Variants in SCN8A observed in about 807,000 individuals in gnomAD.
The protein encoded by SCN8A is sodium voltage-gated channel alpha subunit 8.
SCN8A carries 30 observed loss-of-function variants against 184.1 expected under a neutral mutation model. That is an observed-to-expected ratio of 0.16 (90% CI 0.12 to 0.22). The LOEUF is 0.22. Ranked by LOEUF, SCN8A falls within the 10% of genes least tolerant of loss-of-function variation. SCN8A has a pLI of 1.00. For missense variants in SCN8A, 1,057 were observed against 2,498.9 expected (o/e 0.42, Z 12.30); for synonymous variants, 852 against 907.0 (o/e 0.94, Z 1.09).
chr12:51,688,891 C>T (rs971456532), intron 5 of SCN8A, 114 bp from the exon 6 acceptor site: 5 of 1,564,364 alleles, frequency 3.2e-6, no homozygotes, highest in Non-Finnish European at 4.4e-6. Context: ...GGGATAGGGC[C>T]CTGACGTGAC....
chr12:51,638,094 T>C (rs1038792213), intron 1 of SCN8A, among the ~76,000 whole-genome samples: 4 of 152,076 alleles, frequency 2.6e-5, no homozygotes, highest in African/African-American at 9.7e-5. Context: ...AACAGGATGG[T>C]TTACTAGATA....
chr12:51,633,315 T>C (rs1668299196), intron 1 of SCN8A, among the ~76,000 whole-genome samples: 1 of 152,212 alleles, frequency 6.6e-6, no homozygotes. Flanking sequence ...AGAAATAATC[T>C]CTTATCTAGA....
At chr12:51,644,475 T>TA (rs949819083) in intron 1 of SCN8A, among the ~76,000 whole-genome samples, 4 of 152,344 alleles carry the variant, frequency 2.6e-5, no homozygotes, top group African/African-American at 9.6e-5. Context: ...TGGTCCATAT[T>TA]AAAAACAATT....
At chr12:51,673,579 A>G (rs1175028730) in intron 2 of SCN8A, among the ~76,000 whole-genome samples, 1 of 152,200 alleles carries the variant, frequency 6.6e-6, no homozygotes, top group Non-Finnish European at 1.5e-5. Context: ...AGAAAGTTGG[A>G]TATAGTTAAA....
chr12:51,652,081 A>G (rs367928370), intron 1 of SCN8A, among the ~76,000 whole-genome samples: 18 of 152,084 alleles, frequency 1.2e-4, no homozygotes, highest in East Asian at 7.7e-4. Flanking sequence ...TGCCTATATG[A>G]TGCCTCCATT....
At chr12:51,659,392 CACAT>C (rs1940884521) in intron 1 of SCN8A, among the ~76,000 whole-genome samples, 2 of 152,132 alleles carry the variant, frequency 1.3e-5, no homozygotes, top group South Asian at 2.1e-4. Flanking sequence ...GTTACACAGG[CACAT>C]ACATATGTAC....
At position 51,662,946 on chromosome 12, in the gene SCN8A, T is replaced by C; in HGVS notation, c.129T>C (p.Ser43=). ...KLKKPPKADG[S]HREDDEDSKP... ...AGAAACCACCAAAGGCCGATGGCAG[T>C]CATCGGGAGGACGATGAGGACAGCA... Residue 43 remains serine (S), a synonymous_variant, in exon 2 of 27, where the codon AGT becomes AGC. Coordinates refer to ENST00000627620, the MANE Select transcript of SCN8A (RefSeq NM_001330260.2). 1 of 1,614,010 alleles carries C rather than the reference T, an allele frequency of 6.2e-7. No individual in the cohort carries two copies. Among genetic ancestry groups the C allele is most frequent in the Non-Finnish European group, 8.5e-7 (1 of 1,179,890 alleles).
intron 14 of SCN8A, among the ~76,000 whole-genome samples, chr12:51,755,297 A>G (rs964149374): frequency 1.3e-5 from 2 of 152,154 alleles, no homozygotes; most frequent in Non-Finnish European, 2.9e-5. Flanking sequence ...ATGGTTTTCT[A>G]TTTTATCTGA....
At chr12:51,691,321 C>T (rs1941503712) in intron 6 of SCN8A, among the ~76,000 whole-genome samples, 1 of 152,204 alleles carries the variant, frequency 6.6e-6, no homozygotes, top group African/African-American at 2.4e-5. Context: ...GCTTCTGTCT[C>T]TGTCTCTGCT....
chr12:51,736,337 A>G (rs953963097), intron 12 of SCN8A, among the ~76,000 whole-genome samples: 3 of 152,248 alleles, frequency 2.0e-5, no homozygotes, highest in Non-Finnish European at 4.4e-5. Context: ...AAGTGAGAAA[A>G]GGTGTCCACA....
At chr12:51,627,658 G>C (rs1288925729) in intron 1 of SCN8A, among the ~76,000 whole-genome samples, 1 of 152,188 alleles carries the variant, frequency 6.6e-6, no homozygotes, top group Non-Finnish European at 1.5e-5. Context: ...TGGGATTACA[G>C]GCATGAGCCA....
At chr12:51,708,020 C>A (rs1941813249) in intron 11 of SCN8A, among the ~76,000 whole-genome samples, 1 of 152,166 alleles carries the variant, frequency 6.6e-6, no homozygotes, top group Non-Finnish European at 1.5e-5. Context: ...GATGTAAAAG[C>A]CAACCCTAGA....
chr12:51,591,955 A>G (rs1304904066), intron 1 of SCN8A, among the ~76,000 whole-genome samples: 2 of 138,056 alleles, frequency 1.4e-5, no homozygotes, highest in Non-Finnish European at 3.0e-5. Flanking sequence ...GGTGCTCTGG[A>G]GTTGTGATGG....
At chr12:51,688,841 T>A in intron 5 of SCN8A, 164 bp from the exon 6 acceptor site, 1 of 1,613,216 alleles carries the variant, frequency 6.2e-7, no homozygotes, top group Non-Finnish European at 8.5e-7. Flanking sequence ...ACTATTTCGG[T>A]AATCCCAGGT....
chr12:51,659,022 A>G (rs1035692684), intron 1 of SCN8A, among the ~76,000 whole-genome samples: 2 of 152,196 alleles, frequency 1.3e-5, no homozygotes, highest in African/African-American at 4.8e-5. Context: ...TGGCTACCAA[A>G]AGACACCTAC....
chr12:51,708,970 G>A (rs925134454), intron 11 of SCN8A, among the ~76,000 whole-genome samples: 1 of 152,178 alleles, frequency 6.6e-6, no homozygotes, highest in Non-Finnish European at 1.5e-5. Context: ...AAAAAATTAT[G>A]TAGTAGCATG....
intron 1 of SCN8A, among the ~76,000 whole-genome samples, chr12:51,652,394 G>A (rs553383506): frequency 4.6e-5 from 7 of 151,792 alleles, no homozygotes; most frequent in Admixed American, 2.6e-4. Flanking sequence ...TTCCTCCCTC[G>A]TCTCATTCTA....
intron 8 of SCN8A, among the ~76,000 whole-genome samples, chr12:51,702,456 C>T (rs983360820): frequency 5.3e-5 from 8 of 151,938 alleles, no homozygotes; most frequent in Non-Finnish European, 8.8e-5. Context: ...GCATAAGAAT[C>T]ACCTGGCATA....
chr12:51,729,828 G>C (rs896705560), intron 12 of SCN8A, among the ~76,000 whole-genome samples: 1 of 152,096 alleles, frequency 6.6e-6, no homozygotes, highest in African/African-American at 2.4e-5. Flanking sequence ...AGCCAAACTT[G>C]CTGTTGTTAG....
Sources: gnomAD v4.1 joint callset for allele counts (sites outside exome capture counted in the v4.1 genomes callset) on GRCh38, gnomAD v4.1.1 for gene constraint, MANE v1.5 for transcripts, NCBI Gene and HGNC (gene_info 2026-07-23, HGNC 2026-07-21) for gene names.